The following BRINP3 variants were observed in gnomAD, a reference collection of about 807,000 sequenced individuals.
BRINP3 encodes BMP/retinoic acid-inducible neural-specific protein 3.
In BRINP3, 19 loss-of-function variants were observed where a neutral mutation model predicts 71.0. That is an observed-to-expected ratio of 0.27 (90% confidence interval 0.19 to 0.39). BRINP3 has a LOEUF of 0.39. Ranked by LOEUF, BRINP3 falls within the 10% of genes least tolerant of loss-of-function variation. The pLI, the probability that BRINP3 is intolerant of heterozygous loss-of-function variation, is 1.00. For missense variants in BRINP3, 959 were observed against 940.8 expected, an observed-to-expected ratio of 1.02 and a Z score of -0.25; for synonymous variants, 380 against 337.7, an observed-to-expected ratio of 1.13 and a Z score of -1.37.
intron 2 of BRINP3, among the ~76,000 whole-genome samples, chr1:190,301,203 A>ATAT: frequency 3.9e-5 from 1 of 25,474 alleles, no homozygotes. Context: ...ATATACACAT[A>ATAT]CATATATATA....
intron 7 of BRINP3, among the ~76,000 whole-genome samples, chr1:190,115,140 A>T (rs1017378939): frequency 6.6e-6 from 1 of 152,172 alleles, no homozygotes; most frequent in Non-Finnish European, 1.5e-5. Context: ...CCATGTACTC[A>T]ATAAATTATG....
In BRINP3 at chr1:190,163,004, C is replaced by T. The variant is rs553772768; in HGVS notation, c.962-2114G>A. 2.0e-5 allele frequency among the ~76,000 whole-genome samples: 3 copies of T among 152,064 alleles called. No individual in the cohort carries two copies. In the East Asian group the frequency reaches 5.8e-4, roughly 29 times the overall value. On this transcript the variant is annotated intron_variant, in intron 6 of 7. Transcript: ENST00000367462. Reference sequence around the variant, plus strand: ...ATTTAAAAAAATGACTAATGATGTGCAATATTTTCAGATGTTAAAACTAAC... The same window carrying T: ...ATTTAAAAAAATGACTAATGATGTGTAATATTTTCAGATGTTAAAACTAAC...
intron 3 of BRINP3, among the ~76,000 whole-genome samples, chr1:190,273,839 C>T (rs1288076961): frequency 6.6e-6 from 1 of 151,488 alleles, no homozygotes; most frequent in Non-Finnish European, 1.5e-5. Flanking sequence ...TACGAAGAAT[C>T]CTACAGGTAA....
intron 2 of BRINP3, among the ~76,000 whole-genome samples, chr1:190,422,931 T>G (rs1673476052): frequency 6.6e-6 from 1 of 151,826 alleles, no homozygotes; most frequent in Non-Finnish European, 1.5e-5. Flanking sequence ...TTTCAAATTA[T>G]CATTGTGTAT....
chr1:190,294,459 C>T (rs1664099194), intron 2 of BRINP3, among the ~76,000 whole-genome samples: 1 of 151,718 alleles, frequency 6.6e-6, no homozygotes, highest in Non-Finnish European at 1.5e-5. Context: ...ACTTTGTTGC[C>T]CATGCTGGTC....
At chr1:190,288,401 A>C (rs1663597384) in intron 2 of BRINP3, among the ~76,000 whole-genome samples, 1 of 152,020 alleles carries the variant, frequency 6.6e-6, no homozygotes, top group Admixed American at 6.6e-5. Flanking sequence ...AAATATTTGC[A>C]TTTGTGAATA....
intron 2 of BRINP3, among the ~76,000 whole-genome samples, chr1:190,351,133 T>A (rs186718376): frequency 1.3e-5 from 2 of 152,156 alleles, no homozygotes; most frequent in East Asian, 1.9e-4. Flanking sequence ...GTATTTTAGT[T>A]TTTCCTACAT....
chr1:190,468,109 A>G (rs1455455804), intron 1 of BRINP3, among the ~76,000 whole-genome samples: 1 of 151,338 alleles, frequency 6.6e-6, no homozygotes, highest in Non-Finnish European at 1.5e-5. Flanking sequence ...ATTTTAATTA[A>G]TAGTTAATAA....
In BRINP3 at chr1:190,226,072, CAT is replaced by C. The variant is rs1558083392; in HGVS notation, c.961+8_961+9del. The C allele has an allele frequency of 6.7e-7, 1 of 1,488,598 alleles. No individual in the cohort carries two copies. Among genetic ancestry groups the C allele is most frequent in the Admixed American group, 2.1e-5 (1 of 46,986 alleles). 92.2% of individuals were successfully genotyped at this position (1,488,598 alleles called of 1,614,324 possible). On this transcript the variant is annotated splice_region_variant and intron_variant, in intron 6 of 7. Transcript: ENST00000367462. ...TATTTAAAAGTGTTATATTAAAATACATGTCTTACCTGATTCCTCAAAGTCAC... is the reference window on the plus strand; with the variant it reads ...TATTTAAAAGTGTTATATTAAAATACGTCTTACCTGATTCCTCAAAGTCAC...
chr1:190,308,060 C>A (rs1019069920), intron 2 of BRINP3, among the ~76,000 whole-genome samples: 15 of 151,972 alleles, frequency 9.9e-5, no homozygotes, highest in African/African-American at 3.4e-4. Flanking sequence ...AAACATATAT[C>A]AAAGGAGTCA....
chr1:190,124,212 A>G (rs1260578684), intron 7 of BRINP3, among the ~76,000 whole-genome samples: 1 of 152,132 alleles, frequency 6.6e-6, no homozygotes, highest in Non-Finnish European at 1.5e-5. Flanking sequence ...TGCTTTGAAA[A>G]TAAGTTTGTC....
At chr1:190,116,772 T>C (rs537109558) in intron 7 of BRINP3, among the ~76,000 whole-genome samples, 1 of 152,202 alleles carries the variant, frequency 6.6e-6, no homozygotes, top group Non-Finnish European at 1.5e-5. Context: ...ACAGAAGTAT[T>C]TAACTATTTG....
chr1:190,421,762 C>T (rs963968226), intron 2 of BRINP3, among the ~76,000 whole-genome samples: 4 of 151,766 alleles, frequency 2.6e-5, no homozygotes, highest in African/African-American at 9.7e-5. Flanking sequence ...ATTTCTTCAT[C>T]TGAAAAAGTT....
At chr1:190,458,975 A>C in intron 1 of BRINP3, among the ~76,000 whole-genome samples, 1 of 152,060 alleles carries the variant, frequency 6.6e-6, no homozygotes, top group South Asian at 2.1e-4. Flanking sequence ...AAAACAAAAC[A>C]TTAAAAACAA....
At chr1:190,272,820 T>C (rs1044806352) in intron 3 of BRINP3, among the ~76,000 whole-genome samples, 7 of 151,536 alleles carry the variant, frequency 4.6e-5, no homozygotes, top group African/African-American at 1.4e-4. Flanking sequence ...TCCTTGTAGA[T>C]ATGCATGTAA....
intron 2 of BRINP3, among the ~76,000 whole-genome samples, chr1:190,374,959 C>A (rs534199510): frequency 6.6e-6 from 1 of 151,794 alleles, no homozygotes; most frequent in Admixed American, 6.6e-5. Context: ...AATTTAAGTA[C>A]TCAATAATTT....
rs770032657 is a variant in BRINP3 at position 190,454,937 on chromosome 1, AC to A, written c.-48del. On this transcript the variant is annotated splice_region_variant and 5_prime_UTR_variant, in exon 2 of 8. Coordinates refer to ENST00000367462, the MANE Select transcript of BRINP3 (RefSeq NM_199051.3). ...CCTTCATTCTCTCAGCTTTCCCTCAACACCTAGACAAAATACACAGGCAATT... is the reference window on the plus strand; with the variant it reads ...CCTTCATTCTCTCAGCTTTCCCTCAAACCTAGACAAAATACACAGGCAATT... 38 of 1,479,914 alleles carry A rather than the reference AC, an allele frequency of 2.6e-5. No individual in the cohort carries two copies. The East Asian group carries it at 8.7e-4, about 34-fold the overall frequency. 91.7% of individuals were successfully genotyped at this position (1,479,914 alleles called of 1,614,324 possible). A position where few individuals can be genotyped will look rare whatever the true frequency, so the allele number is the denominator to read the frequency against.
chr1:190,200,729 T>C (rs186758897), intron 6 of BRINP3, among the ~76,000 whole-genome samples: 1 of 152,172 alleles, frequency 6.6e-6, no homozygotes, highest in Non-Finnish European at 1.5e-5. Context: ...ATCTTTCCCA[T>C]GCTGTTCCCA....
intron 7 of BRINP3, among the ~76,000 whole-genome samples, chr1:190,150,086 CATCTCATA>C (rs1656251192): frequency 1.3e-5 from 2 of 152,066 alleles, no homozygotes; most frequent in Admixed American, 1.3e-4. Flanking sequence ...TGCTGGTATG[CATCTCATA>C]ATATGTAGTT....
Sources: gnomAD v4.1 joint callset for allele counts (sites outside exome capture counted in the v4.1 genomes callset) on GRCh38, gnomAD v4.1.1 for gene constraint, MANE v1.5 for transcripts, NCBI Gene and HGNC (gene_info 2026-07-23, HGNC 2026-07-21) for gene names.